The following TECTB variants were observed in gnomAD, a reference collection of about 807,000 sequenced individuals.
TECTB encodes the protein beta-tectorin.
TECTB carries 45 observed loss-of-function variants against 43.3 expected under a neutral mutation model. That is an observed-to-expected ratio of 1.04 (90% confidence interval 0.82 to 1.33). The LOEUF (loss-of-function observed/expected upper bound fraction) is 1.33. TECTB is among the 40% of genes most tolerant of loss of function. TECTB has a pLI of 0.00. For missense variants in TECTB, 399 were observed against 404.7 expected (o/e 0.99, Z 0.12); for synonymous variants, 169 against 156.7 (o/e 1.08, Z -0.59).
chr10:112,288,579 C>T (rs955967582), intron 5 of TECTB, among the ~76,000 whole-genome samples: 2 of 152,126 alleles, frequency 1.3e-5, no homozygotes, highest in African/African-American at 4.8e-5. Flanking sequence ...ATGCCTGACC[C>T]ATGTGGTTGG....
At chr10:112,288,641 G>A (rs1378016990) in intron 5 of TECTB, among the ~76,000 whole-genome samples, 1 of 152,084 alleles carries the variant, frequency 6.6e-6, no homozygotes, top group Admixed American at 6.6e-5. Flanking sequence ...ATGTGTTTCT[G>A]AAGCAACAAC....
In TECTB at chr10:112,284,579, A is replaced by G; in HGVS notation, c.121A>G (p.Ile41Val). Residue 41 changes from isoleucine to valine, a missense_variant, in exon 3 of 11, where the codon ATC becomes GTC. Ile to Val is a conservative substitution (Grantham distance 29). Coordinates refer to ENST00000646139, the MANE Select transcript of TECTB (RefSeq NM_058222.3). Reference sequence around the variant, plus strand: ...CTATCCCAAAACCATCATCACCAAAATCCCCGAGTGTCCCTATGGATGGGA... The same window carrying G: ...CTATCCCAAAACCATCATCACCAAAGTCCCCGAGTGTCCCTATGGATGGGA... Reference protein sequence around the residue: ...FCYPKTIITKIPECPYGWEVH... With the variant: ...FCYPKTIITKVPECPYGWEVH... The G allele has an allele frequency of 6.2e-7, 1 of 1,612,476 alleles. No individual in the cohort carries two copies. Among genetic ancestry groups the G allele is most frequent in the Non-Finnish European group, 8.5e-7 (1 of 1,179,210 alleles).
intron 5 of TECTB, among the ~76,000 whole-genome samples, chr10:112,288,367 T>C (rs1354336736): frequency 6.6e-6 from 1 of 151,986 alleles, no homozygotes; most frequent in Non-Finnish European, 1.5e-5. Flanking sequence ...AAGAGACATG[T>C]CCTCAGCATC....
chr10:112,303,213 C>A lies in TECTB; in HGVS notation c.941-50C>A, dbSNP rs183189635. 8.9e-4 allele frequency: 1,425 copies of A among 1,609,316 alleles called. 5 individuals are homozygous for A. Among genetic ancestry groups the A allele is most frequent in the Admixed American group, 1.4e-3 (86 of 59,982 alleles). ...AACTCTTCTGTTGAGTTGGCTTTACCCTTGTAGAACTGTCTCTGAGTGCCA... is the reference window on the plus strand; with the variant it reads ...AACTCTTCTGTTGAGTTGGCTTTACACTTGTAGAACTGTCTCTGAGTGCCA... On this transcript the variant is annotated intron_variant, in intron 10 of 10. Transcript: ENST00000646139.
intron 3 of TECTB, among the ~76,000 whole-genome samples, chr10:112,285,384 T>C (rs1848445434): frequency 6.6e-6 from 1 of 152,194 alleles, no homozygotes; most frequent in Non-Finnish European, 1.5e-5. Flanking sequence ...GCTGTGCATC[T>C]ATCCATCTCA....
At chr10:112,287,351 C>T (rs555574496) in intron 5 of TECTB, among the ~76,000 whole-genome samples, 182 of 152,338 alleles carry the variant, frequency 1.2e-3, no homozygotes, top group Non-Finnish European at 2.1e-3. Context: ...CTGCTCTCCT[C>T]TTTAGAAGGG....
At chr10:112,293,191 C>T (rs1848514512) in intron 5 of TECTB, among the ~76,000 whole-genome samples, 1 of 152,212 alleles carries the variant, frequency 6.6e-6, no homozygotes, top group African/African-American at 2.4e-5. Context: ...TGTTCGCTAA[C>T]AAAATCCTGA....
intron 5 of TECTB, among the ~76,000 whole-genome samples, chr10:112,292,368 A>G (rs950766039): frequency 6.6e-6 from 1 of 152,104 alleles, no homozygotes; most frequent in Non-Finnish European, 1.5e-5. Flanking sequence ...CTGTGCTCAC[A>G]TCGTGGTGTT....
intron 7 of TECTB, among the ~76,000 whole-genome samples, chr10:112,295,417 G>A (rs1848537175): frequency 6.6e-6 from 1 of 152,172 alleles, no homozygotes; most frequent in Admixed American, 6.5e-5. Flanking sequence ...TTTTATAGAG[G>A]AGAAAACTGA....
chr10:112,300,327 A>AAAAAG (rs1175280958), intron 9 of TECTB, among the ~76,000 whole-genome samples: 1 of 143,950 alleles, frequency 6.9e-6, no homozygotes, highest in Non-Finnish European at 1.5e-5. Context: ...AAGAGAAAGA[A>AAAAAG]AAAAGAAAAG....
intron 9 of TECTB, 98 bp downstream of exon 9, chr10:112,299,662 A>G (rs753368507): frequency 1.5e-6 from 2 of 1,373,282 alleles, no homozygotes; most frequent in East Asian, 2.3e-5. Flanking sequence ...CTGAATTGCC[A>G]AACCAGTCGT....
intron 10 of TECTB, chr10:112,302,540 A>G (rs565715809): frequency 1.9e-4 from 76 of 399,724 alleles, no homozygotes; most frequent in Non-Finnish European, 3.2e-4. Context: ...CCCCTCCTCC[A>G]TACCCTAGTT....
intron 7 of TECTB, among the ~76,000 whole-genome samples, chr10:112,295,949 C>T (rs1333026571): frequency 6.6e-6 from 1 of 152,162 alleles, no homozygotes; most frequent in Admixed American, 6.5e-5. Context: ...GTACTGTAAA[C>T]CTACCAGATC....
At chr10:112,303,231 G>A in intron 10 of TECTB, 32 bp from the exon 11 acceptor site, 1 of 1,613,742 alleles carries the variant, frequency 6.2e-7, no homozygotes, top group Non-Finnish European at 8.5e-7. Flanking sequence ...AACTGTCTCT[G>A]AGTGCCATCT....
rs1012145549 is a variant in TECTB at position 112,304,663 on chromosome 10, C to T, written c.*1351C>T. 2.1e-5 allele frequency: 3 copies of T among 143,016 alleles called. No homozygotes were observed. The highest frequency in any genetic ancestry group is 3.1e-5 in the African/African-American group (1 of 32,708). 8.9% of individuals were successfully genotyped at this position (143,016 alleles called of 1,614,324 possible). ...AATTTGCAGTTTGATGATTCTTTTA[C>T]AACTTGTGTTAGTGAACTCAGAGAT... On this transcript the variant is annotated 3_prime_UTR_variant, in exon 11 of 11. Coordinates refer to ENST00000646139, the MANE Select transcript of TECTB (RefSeq NM_058222.3).
chr10:112,302,544 C>G (rs896038428), intron 10 of TECTB: 1 of 397,570 alleles, frequency 2.5e-6, no homozygotes, highest in Non-Finnish European at 4.4e-6. Context: ...TCCTCCATAC[C>G]CTAGTTTCCT....
chr10:112,288,980 T>A (rs1369689985), intron 5 of TECTB, among the ~76,000 whole-genome samples: 1 of 152,210 alleles, frequency 6.6e-6, no homozygotes, highest in Admixed American at 6.5e-5. Flanking sequence ...GTTTGAAGCC[T>A]TGTTCCATCA....
chr10:112,286,357 C>T lies in TECTB; in HGVS notation c.449C>T (p.Thr150Ile), dbSNP rs1248196625. Residue 150 changes from threonine (T) to isoleucine (I), a missense_variant, in exon 5 of 11, where the codon ACA becomes ATA. Physicochemically the swap from Thr to Ile is moderately conservative, Grantham distance 89. Transcript: ENST00000646139. Reference protein sequence around the residue: ...TVHVKNGSMGTFESQLSLNFY... With the variant: ...TVHVKNGSMGIFESQLSLNFY... ...CACGTGAAGAACGGGAGCATGGGCACATTTGAGAGCCAACTGTCTCTCAAC... is the reference window on the plus strand; with the variant it reads ...CACGTGAAGAACGGGAGCATGGGCATATTTGAGAGCCAACTGTCTCTCAAC... 5.6e-6 allele frequency: 9 copies of T among 1,610,270 alleles called. No homozygotes were observed. The highest frequency in any genetic ancestry group is 6.8e-6 in the Non-Finnish European group (8 of 1,176,730).
chr10:112,295,611 C>T (rs1848538622), intron 7 of TECTB, among the ~76,000 whole-genome samples: 1 of 152,246 alleles, frequency 6.6e-6, no homozygotes, highest in Non-Finnish European at 1.5e-5. Context: ...CTCACATCTG[C>T]CATTGAATGA....
Sources: gnomAD v4.1 joint callset for allele counts (sites outside exome capture counted in the v4.1 genomes callset) on GRCh38, gnomAD v4.1.1 for gene constraint, MANE v1.5 for transcripts, NCBI Gene and HGNC (gene_info 2026-07-23, HGNC 2026-07-21) for gene names.